The following ARHGAP28 variants were observed in gnomAD, a reference collection of about 807,000 sequenced individuals.
The protein encoded by ARHGAP28 is Rho GTPase activating protein 28.
Under a neutral mutation model 90.7 loss-of-function variants are expected in ARHGAP28, and 56 were observed. The observed-to-expected ratio is 0.62, with a 90% CI of 0.50 to 0.77. ARHGAP28 has a LOEUF of 0.77. Among genes scored for constraint, ARHGAP28 ranks in the 30% least tolerant of loss-of-function variants. ARHGAP28 has a pLI of 0.00. For synonymous variants in ARHGAP28, 308 were observed against 323.3 expected, an observed-to-expected ratio of 0.95 and a Z score of 0.51; for missense variants, 869 against 900.9, an observed-to-expected ratio of 0.96 and a Z score of 0.45.
At chr18:6,731,921 C>T (rs1329500606) in intron 1 of ARHGAP28, among the ~76,000 whole-genome samples, 1 of 152,112 alleles carries the variant, frequency 6.6e-6, no homozygotes, top group Non-Finnish European at 1.5e-5. Flanking sequence ...ATACCCTTTC[C>T]TTTAAATTGC....
intron 1 of ARHGAP28, among the ~76,000 whole-genome samples, chr18:6,741,630 T>TA (rs1170909615): frequency 1.3e-5 from 2 of 151,646 alleles, no homozygotes; most frequent in African/African-American, 4.9e-5. Flanking sequence ...TTGTGGGAGT[T>TA]AAGAAAAAAA....
At chr18:6,732,077 A>T (rs1211325236) in intron 1 of ARHGAP28, among the ~76,000 whole-genome samples, 3 of 143,800 alleles carry the variant, frequency 2.1e-5, no homozygotes, top group African/African-American at 7.6e-5. Flanking sequence ...GACCCCCACT[A>T]CACCTGAGTT....
intron 3 of ARHGAP28, chr18:6,850,728 A>G (rs2056903247): frequency 1.6e-6 from 2 of 1,268,334 alleles, no homozygotes; most frequent in Non-Finnish European, 1.1e-6. Context: ...TAGTTAGAAC[A>G]TACCATCTTG....
At chr18:6,759,125 C>T (rs1257262742) in intron 1 of ARHGAP28, among the ~76,000 whole-genome samples, 1 of 152,060 alleles carries the variant, frequency 6.6e-6, no homozygotes, top group Non-Finnish European at 1.5e-5. Flanking sequence ...CCGTTGATAC[C>T]TTACATATAG....
intron 10 of ARHGAP28, among the ~76,000 whole-genome samples, chr18:6,880,414 C>T (rs526171): frequency 0.52 from 78,355 of 151,946 alleles, 20,583 homozygotes; most frequent in Non-Finnish European, 0.55. Context: ...GCCTGTCACT[C>T]GCTTCCACCC....
At chr18:6,854,104 G>C (rs1182674834) in intron 4 of ARHGAP28, among the ~76,000 whole-genome samples, 3 of 151,758 alleles carry the variant, frequency 2.0e-5, no homozygotes, top group Admixed American at 1.3e-4. Context: ...GTCTCGGGGG[G>C]GTTATATTAG....
intron 1 of ARHGAP28, among the ~76,000 whole-genome samples, chr18:6,785,039 GAA>G (rs1182468621): frequency 6.6e-6 from 1 of 152,094 alleles, no homozygotes; most frequent in Admixed American, 6.6e-5. Flanking sequence ...AATTCGTGGA[GAA>G]AACACCAAAA....
chr18:6,896,867 C>A, intron 16 of ARHGAP28: 1 of 365,316 alleles, frequency 2.7e-6, no homozygotes, highest in South Asian at 7.1e-5. Flanking sequence ...TATTGTCTAT[C>A]TTCGTAGCTT....
intron 4 of ARHGAP28, among the ~76,000 whole-genome samples, 159 bp from the exon 5 acceptor site, chr18:6,859,649 A>G (rs1486076102): frequency 6.6e-6 from 1 of 152,248 alleles, no homozygotes; most frequent in Non-Finnish European, 1.5e-5. Context: ...GTGGCACATA[A>G]TAGTGCTGCA....
intron 1 of ARHGAP28, among the ~76,000 whole-genome samples, chr18:6,730,439 C>T (rs990291597): frequency 1.3e-5 from 2 of 152,034 alleles, no homozygotes; most frequent in Admixed American, 1.3e-4. Flanking sequence ...CCTCAATAGA[C>T]TTTTAAAGAC....
rs753416272 is a variant in ARHGAP28 at position 6,890,033 on chromosome 18, C to T, written c.1682C>T (p.Thr561Ile). 6 of 1,614,216 alleles carry T rather than the reference C, an allele frequency of 3.7e-6. No individual in the cohort carries two copies. Among genetic ancestry groups the T allele is most frequent in the Non-Finnish European group, 5.1e-6 (6 of 1,180,044 alleles). The part of the protein sequence containing the change: ...SDYEELLLAN[T>I]AAHIIRLMLK... ...TATGAAGAATTACTGTTAGCAAACACTGCGGCCCACATCATCCGCCTAATG... is the reference window on the plus strand; with the variant it reads ...TATGAAGAATTACTGTTAGCAAACATTGCGGCCCACATCATCCGCCTAATG... The change falls in exon 13 of 18, where the codon ACT becomes ATT. Residue 561 changes from threonine to isoleucine, a missense_variant. Physicochemically the swap from Thr to Ile is moderately conservative, Grantham distance 89. Transcript: ENST00000383472.
At chr18:6,851,487 T>G (rs1382964212) in intron 4 of ARHGAP28, among the ~76,000 whole-genome samples, 1 of 152,188 alleles carries the variant, frequency 6.6e-6, no homozygotes, top group African/African-American at 2.4e-5. Flanking sequence ...TTGTTAAGAA[T>G]GTAAAATGTT....
intron 1 of ARHGAP28, among the ~76,000 whole-genome samples, chr18:6,799,537 T>C (rs1002149382): frequency 2.0e-5 from 3 of 152,118 alleles, no homozygotes; most frequent in Admixed American, 2.0e-4. Context: ...AACAGATATA[T>C]AGACCAAAGG....
At chr18:6,796,833 C>CACAG (rs1011205247) in intron 1 of ARHGAP28, among the ~76,000 whole-genome samples, 4 of 152,090 alleles carry the variant, frequency 2.6e-5, no homozygotes, top group African/African-American at 9.7e-5. Context: ...CACACATACA[C>CACAG]ACACTTCTGT....
At chr18:6,870,429 A>G (rs947226743) in intron 6 of ARHGAP28, among the ~76,000 whole-genome samples, 161 bp from the exon 7 acceptor site, 1 of 152,224 alleles carries the variant, frequency 6.6e-6, no homozygotes, top group Non-Finnish European at 1.5e-5. Flanking sequence ...ACTGTTGTTT[A>G]ACTGAACTCC....
chr18:6,838,657 A>G lies in ARHGAP28; in HGVS notation c.543+1243A>G, dbSNP rs564544855. Among the ~76,000 whole-genome samples the G allele has an allele frequency of 2.0e-5, 3 of 152,372 alleles. No homozygotes were observed. In the South Asian group the frequency reaches 6.2e-4, roughly 32 times the overall value. The stretch of plus-strand genomic sequence containing the variant: ...AATTTTTCTTAATCTTAATAGATTT[A>G]AATATGAACAGTCACATGTAGCTTG... On this transcript the variant is annotated intron_variant, in intron 3 of 17. Transcript: ENST00000383472.
At chr18:6,837,556 C>A in intron 3 of ARHGAP28, 142 bp downstream of exon 3, 1 of 648,542 alleles carries the variant, frequency 1.5e-6, no homozygotes, top group Non-Finnish European at 2.6e-6. Context: ...AAGCAGACAG[C>A]ACAGTGCAAA....
At chr18:6,856,609 C>T (rs1416054955) in intron 4 of ARHGAP28, among the ~76,000 whole-genome samples, 1 of 151,210 alleles carries the variant, frequency 6.6e-6, no homozygotes, top group Non-Finnish European at 1.5e-5. Context: ...TCCTGGGCTC[C>T]AATGATCCTC....
chr18:6,859,578 T>A (rs1433361419), intron 4 of ARHGAP28, among the ~76,000 whole-genome samples: 2 of 152,212 alleles, frequency 1.3e-5, no homozygotes, highest in Non-Finnish European at 2.9e-5. Flanking sequence ...AAATGGAGTT[T>A]GTGGCAGGCA....
Sources: allele counts gnomAD v4.1 joint callset (sites outside exome capture counted in the v4.1 genomes callset), GRCh38; gene constraint gnomAD v4.1.1; transcripts MANE v1.5; gene names NCBI Gene and HGNC (gene_info 2026-07-23, HGNC 2026-07-21).